Variants in SLC4A1AP observed in about 807,000 individuals in gnomAD.
SLC4A1AP encodes the protein solute carrier family 4 member 1 adaptor protein.
SLC4A1AP carries 64 observed loss-of-function variants against 89.7 expected under a neutral mutation model. The observed-to-expected ratio is 0.71, with a 90% confidence interval of 0.58 to 0.88. The LOEUF is 0.88. Among genes scored for constraint, SLC4A1AP ranks in the 40% least tolerant of loss-of-function variants. The pLI is 0.00. For missense variants in SLC4A1AP, 931 were observed against 965.0 expected (o/e 0.96, Z 0.47); for synonymous variants, 366 against 353.3 (o/e 1.04, Z -0.40).
chr2:27,682,434 GA>G (rs1675634167), intron 9 of SLC4A1AP, 75 bp downstream of exon 9: 8 of 861,822 alleles, frequency 9.3e-6, no homozygotes, highest in Non-Finnish European at 1.5e-5. Context: ...TTTCTTTTTT[GA>G]AACTACAAAT....
intron 5 of SLC4A1AP, among the ~76,000 whole-genome samples, chr2:27,674,677 T>C (rs1675484414): frequency 6.6e-6 from 1 of 151,934 alleles, no homozygotes; most frequent in Non-Finnish European, 1.5e-5. Flanking sequence ...GTTATTGTCC[T>C]TTTTCTCATT....
At chr2:27,690,220 T>G (rs1675767845) in intron 12 of SLC4A1AP, among the ~76,000 whole-genome samples, 1 of 152,168 alleles carries the variant, frequency 6.6e-6, no homozygotes, top group African/African-American at 2.4e-5. Flanking sequence ...AATCATATAG[T>G]GATGAAATCT....
intron 12 of SLC4A1AP, among the ~76,000 whole-genome samples, chr2:27,688,971 A>G (rs1455635732): frequency 6.6e-6 from 1 of 151,918 alleles, no homozygotes; most frequent in Non-Finnish European, 1.5e-5. Flanking sequence ...CATACAAGCT[A>G]TCTCTTTTAT....
Position 27,669,329 on chromosome 2 carries a change from G to C in SLC4A1AP, c.1287G>C (p.Gln429His), listed in dbSNP as rs975961596. The C allele has an allele frequency of 6.8e-6, 11 of 1,613,448 alleles. No individual in the cohort carries two copies. Among genetic ancestry groups the C allele is most frequent in the Non-Finnish European group, 9.3e-6 (11 of 1,179,874 alleles). Reference sequence around the variant, plus strand: ...GAAAGAAAAAAGAAGCAATGATCCAGTGCTCATTGGAAGCTTGTCGGATTC... The same window carrying C: ...GAAAGAAAAAAGAAGCAATGATCCACTGCTCATTGGAAGCTTGTCGGATTC... Residue 429 changes from glutamine to histidine, a missense_variant, in exon 5 of 14, where the codon CAG becomes CAC. By Grantham distance (24) the Gln-to-His change is conservative. Transcript: ENST00000613058.
chr2:27,666,972 A>G (rs1223679360), intron 2 of SLC4A1AP, among the ~76,000 whole-genome samples: 1 of 151,434 alleles, frequency 6.6e-6, no homozygotes. Context: ...GGTTCAAGCA[A>G]TTCTCCTGCC....
chr2:27,671,719 A>G (rs186535026), intron 5 of SLC4A1AP, among the ~76,000 whole-genome samples: 3 of 152,294 alleles, frequency 2.0e-5, no homozygotes, highest in South Asian at 4.1e-4. Flanking sequence ...ACAGTAGTAC[A>G]TCCTTCTGTA....
chr2:27,682,650 G>A (rs1195592420), intron 9 of SLC4A1AP, among the ~76,000 whole-genome samples: 4 of 151,410 alleles, frequency 2.6e-5, no homozygotes, highest in Non-Finnish European at 2.9e-5. Context: ...TCAGCCTCTC[G>A]AGTAGCTGGG....
intron 5 of SLC4A1AP, among the ~76,000 whole-genome samples, chr2:27,675,303 A>C (rs1420850294): frequency 1.3e-5 from 2 of 152,098 alleles, no homozygotes; most frequent in African/African-American, 2.4e-5. Context: ...GAATTTGACT[A>C]CTTTAGGTAT....
intron 12 of SLC4A1AP, among the ~76,000 whole-genome samples, chr2:27,689,505 G>A (rs1675755376): frequency 6.6e-6 from 1 of 152,170 alleles, no homozygotes; most frequent in Non-Finnish European, 1.5e-5. Flanking sequence ...AGGCTTCCAA[G>A]GATGTCTTCC....
intron 8 of SLC4A1AP, 77 bp downstream of exon 8, chr2:27,678,001 TTAAA>T (rs1675552995): frequency 2.1e-6 from 2 of 965,620 alleles, no homozygotes; most frequent in Non-Finnish European, 3.0e-6. Context: ...CTTTATCTTC[TTAAA>T]TAATCATTAT....
chr2:27,678,022 C>T, intron 8 of SLC4A1AP, 98 bp downstream of exon 8: 1 of 797,814 alleles, frequency 1.3e-6, no homozygotes. Flanking sequence ...TTATATAATA[C>T]AAATGTAATG....
At chr2:27,670,186 C>T (rs923580019) in intron 5 of SLC4A1AP, among the ~76,000 whole-genome samples, 12 of 152,018 alleles carry the variant, frequency 7.9e-5, no homozygotes, top group South Asian at 2.1e-4. Context: ...TTGATAGAGA[C>T]GAGGTTTCAC....
At chr2:27,665,188 A>G (rs1357928406) in exon 2 of SLC4A1AP, 1 of 1,613,784 alleles carries the variant, frequency 6.2e-7, no homozygotes, top group Non-Finnish European at 8.5e-7. Flanking sequence ...TTGTTGGAGA[A>G]GAAGATGCTA....
chr2:27,671,028 A>G (rs1408312612), intron 5 of SLC4A1AP, among the ~76,000 whole-genome samples: 1 of 142,646 alleles, frequency 7.0e-6, no homozygotes, highest in Non-Finnish European at 1.5e-5. Context: ...GGTTCAAGTG[A>G]TTCTTCTGCC....
chr2:27,670,228 C>G (rs1191281612), intron 5 of SLC4A1AP, among the ~76,000 whole-genome samples: 1 of 151,876 alleles, frequency 6.6e-6, no homozygotes, highest in East Asian at 1.9e-4. Flanking sequence ...GAACTCCTGA[C>G]CTCAGGTGAT....
chr2:27,682,355 T>C lies in SLC4A1AP; in HGVS notation c.1871T>C (p.Val624Ala), dbSNP rs746153196. 11 of 1,598,066 alleles carry C rather than the reference T, an allele frequency of 6.9e-6. No homozygotes were observed. Among genetic ancestry groups the C allele is most frequent in the African/African-American group, 1.3e-5 (1 of 74,662 alleles). The stretch of plus-strand genomic sequence containing the variant: ...AAATTCAAATTAAAAACTGGAACAG[T>C]AGGGGTAAGTTGTGAGTCAGGGTGT... Residue 624 changes from valine to alanine, a missense_variant, in exon 9 of 14, where the codon GTA becomes GCA. By Grantham distance (64) the Val-to-Ala change is moderately conservative (BLOSUM62 0). Transcript: ENST00000613058.
chr2:27,678,913 T>A (rs1347700928), intron 8 of SLC4A1AP, among the ~76,000 whole-genome samples: 1 of 151,936 alleles, frequency 6.6e-6, no homozygotes, highest in Non-Finnish European at 1.5e-5. Flanking sequence ...AGATGGGGTC[T>A]TGCCATGTTG....
At chr2:27,673,333 C>T (rs1319692595) in intron 5 of SLC4A1AP, among the ~76,000 whole-genome samples, 1 of 148,104 alleles carries the variant, frequency 6.8e-6, no homozygotes, top group African/African-American at 2.5e-5. Context: ...TCTTTCTTTT[C>T]TTTCTTTCTT....
At chr2:27,680,824 G>T (rs1572994032) in intron 8 of SLC4A1AP, among the ~76,000 whole-genome samples, 1 of 150,304 alleles carries the variant, frequency 6.7e-6, no homozygotes, top group African/African-American at 2.5e-5. Flanking sequence ...AACAACATTT[G>T]GGGCAAGAAG....
Sources: gnomAD v4.1 joint callset for allele counts (sites outside exome capture counted in the v4.1 genomes callset) on GRCh38, gnomAD v4.1.1 for gene constraint, MANE v1.5 for transcripts, NCBI Gene and HGNC (gene_info 2026-07-23, HGNC 2026-07-21) for gene names.